Variants in RIPOR2 observed in about 807,000 individuals in gnomAD.
RIPOR2 encodes the protein RHO family interacting cell polarization regulator 2, also known as rho family-interacting cell polarization regulator 2.
RIPOR2 carries 39 observed loss-of-function variants against 114.5 expected under a neutral mutation model. The ratio of observed to expected loss-of-function variants is 0.34; its 90% CI spans 0.26 to 0.44. The LOEUF (loss-of-function observed/expected upper bound fraction) is 0.44. Among genes scored for constraint, RIPOR2 ranks in the 20% least tolerant of loss-of-function variants. The pLI, the probability that RIPOR2 is intolerant of heterozygous loss-of-function variation, is 1.00. For missense variants in RIPOR2, 1,007 were observed against 1,255.1 expected (o/e 0.80, Z 2.99); for synonymous variants, 445 against 484.4 (o/e 0.92, Z 1.07).
intron 1 of RIPOR2, among the ~76,000 whole-genome samples, chr6:24,952,554 C>A (rs1222303057): frequency 2.0e-5 from 3 of 152,120 alleles, no homozygotes; most frequent in Admixed American, 6.6e-5. Context: ...TTCCACCAAC[C>A]AGATACAATC....
intron 1 of RIPOR2, among the ~76,000 whole-genome samples, chr6:24,981,539 C>T (rs1283987507): frequency 6.6e-6 from 1 of 152,188 alleles, no homozygotes; most frequent in Non-Finnish European, 1.5e-5. Context: ...CCTGAGCTTG[C>T]TCTGGTTCCG....
At chr6:24,951,606 C>T (rs774713943) in intron 1 of RIPOR2, among the ~76,000 whole-genome samples, 1 of 152,130 alleles carries the variant, frequency 6.6e-6, no homozygotes, top group Non-Finnish European at 1.5e-5. Context: ...GTTGTTTTTC[C>T]CAGTTTCTCT....
chr6:24,984,717 A>G (rs886935146), intron 1 of RIPOR2, among the ~76,000 whole-genome samples: 6 of 152,196 alleles, frequency 3.9e-5, no homozygotes, highest in African/African-American at 1.4e-4. Flanking sequence ...TAAATGCTCA[A>G]TAAAATGTAA....
intron 1 of RIPOR2, among the ~76,000 whole-genome samples, chr6:24,894,180 G>A (rs1767630708): frequency 6.6e-6 from 1 of 152,214 alleles, no homozygotes; most frequent in South Asian, 2.1e-4. Flanking sequence ...GAAACACCTT[G>A]ATTGACGAAG....
At chr6:24,944,762 A>G (rs547084099) in intron 1 of RIPOR2, among the ~76,000 whole-genome samples, 1 of 152,316 alleles carries the variant, frequency 6.6e-6, no homozygotes, top group East Asian at 1.9e-4. Context: ...ATAATCAAAC[A>G]GTAGAAAGTC....
upstream of RIPOR2, among the ~76,000 whole-genome samples, chr6:24,938,341 C>T (rs989844299): frequency 3.3e-5 from 5 of 152,134 alleles, no homozygotes; most frequent in African/African-American, 4.8e-5. Flanking sequence ...GAGATTCTCC[C>T]TCACATCCCT....
intron 1 of RIPOR2, among the ~76,000 whole-genome samples, chr6:24,885,485 A>G (rs1040784596): frequency 8.5e-5 from 13 of 152,118 alleles, no homozygotes; most frequent in African/African-American, 3.1e-4. Context: ...CGGCCTCCCA[A>G]AGTGCTGGAA....
At chr6:24,915,756 C>T (rs1350503234) in intron 1 of RIPOR2, among the ~76,000 whole-genome samples, 1 of 152,170 alleles carries the variant, frequency 6.6e-6, no homozygotes, top group Non-Finnish European at 1.5e-5. Flanking sequence ...GGTCCCCCTC[C>T]TTACACAGTG....
At chr6:24,914,127 G>A (rs1769888014) in intron 1 of RIPOR2, among the ~76,000 whole-genome samples, 1 of 152,166 alleles carries the variant, frequency 6.6e-6, no homozygotes, top group African/African-American at 2.4e-5. Context: ...TTGAGGCCAG[G>A]AGTTTGAGAC....
chr6:24,831,768 C>T (rs1214450252), intron 16 of RIPOR2, among the ~76,000 whole-genome samples: 3 of 152,216 alleles, frequency 2.0e-5, no homozygotes, highest in African/African-American at 7.2e-5. Context: ...AATTCAAAGG[C>T]ATCTTTCCCA....
chr6:24,850,079 AT>A (rs1581589433), intron 10 of RIPOR2, 129 bp from the exon 11 acceptor site: 2 of 592,568 alleles, frequency 3.4e-6, no homozygotes, highest in African/African-American at 2.0e-5. Context: ...TCAGAAGCGG[AT>A]TTTCATTTTT....
intron 1 of RIPOR2, among the ~76,000 whole-genome samples, chr6:25,003,174 T>A (rs1213714705): frequency 6.6e-6 from 1 of 152,204 alleles, no homozygotes; most frequent in African/African-American, 2.4e-5. Flanking sequence ...TAGGGTCGAA[T>A]CTTTAAAACT....
chr6:25,032,727 G>A (rs564323823), intron 1 of RIPOR2, among the ~76,000 whole-genome samples: 20 of 152,128 alleles, frequency 1.3e-4, no homozygotes, highest in African/African-American at 4.6e-4. Flanking sequence ...AATACAATCC[G>A]CTTTACAATT....
intron 13 of RIPOR2, chr6:24,839,777 G>T: frequency 7.2e-7 from 1 of 1,391,518 alleles, no homozygotes; most frequent in South Asian, 1.7e-5. Flanking sequence ...GCTGAATACT[G>T]ACCAATCTCT....
intron 1 of RIPOR2, among the ~76,000 whole-genome samples, chr6:24,885,397 G>A (rs1766738436): frequency 1.3e-5 from 2 of 151,716 alleles, no homozygotes; most frequent in African/African-American, 2.4e-5. Context: ...TAATCCTTCT[G>A]ATTTTTAGTA....
In RIPOR2 at chr6:24,839,820, A is replaced by C. The variant is rs2113713932; in HGVS notation, c.1858-548T>G. On this transcript the variant is annotated intron_variant, in intron 13 of 21. Transcript: ENST00000643898. ...AGTGGCAATGTCTTCGGTGTTTTAC[A>C]AAAGGCGCTAGCTATCTAAGGCATC... is the stretch of plus-strand genomic sequence containing the variant. 3.0e-6 allele frequency: 4 copies of C among 1,334,790 alleles called. 1 individual carries two copies. In the South Asian group the frequency reaches 8.0e-5, roughly 27 times the overall value. The allele number at this position is 1,334,790 out of a possible 1,614,324, so 82.7% of individuals were successfully genotyped here. A position where few individuals can be genotyped will look rare whatever the true frequency, so the allele number is the denominator to read the frequency against.
chr6:25,018,219 G>A (rs1029876957), intron 1 of RIPOR2, among the ~76,000 whole-genome samples: 1 of 152,160 alleles, frequency 6.6e-6, no homozygotes, highest in Non-Finnish European at 1.5e-5. Flanking sequence ...AATTTCAAAC[G>A]CAGTATCTTG....
chr6:24,849,728 C>A (rs1762667173), intron 11 of RIPOR2, 74 bp downstream of exon 11: 2 of 1,349,454 alleles, frequency 1.5e-6, no homozygotes, highest in South Asian at 2.5e-5. Flanking sequence ...GCGGATGGTC[C>A]ATGCACCAGC....
intron 1 of RIPOR2, among the ~76,000 whole-genome samples, chr6:24,956,576 A>G (rs1334680784): frequency 6.6e-6 from 1 of 152,204 alleles, no homozygotes; most frequent in Admixed American, 6.5e-5. Flanking sequence ...GGTAGTTGTA[A>G]TTATTATGAT....
Sources: gnomAD v4.1 joint callset for allele counts (sites outside exome capture counted in the v4.1 genomes callset) on GRCh38, gnomAD v4.1.1 for gene constraint, MANE v1.5 for transcripts, NCBI Gene and HGNC (gene_info 2026-07-23, HGNC 2026-07-21) for gene names.